The following ADAMTS6 variants were observed in gnomAD, a reference collection of about 807,000 sequenced individuals.
ADAMTS6 encodes ADAM metallopeptidase with thrombospondin type 1 motif 6.
ADAMTS6 carries 23 observed loss-of-function variants against 144.3 expected under a neutral mutation model. The ratio of observed to expected loss-of-function variants is 0.16; its 90% confidence interval spans 0.11 to 0.23. The LOEUF is 0.23. Among genes scored for constraint, ADAMTS6 ranks in the 10% least tolerant of loss-of-function variants. The probability of loss-of-function intolerance (pLI) is 1.00; values close to 1 mark genes in which losing one functional copy is unlikely to be tolerated. For missense variants in ADAMTS6, 999 were observed against 1,379.6 expected (o/e 0.72, Z 4.37); for synonymous variants, 444 against 457.5 (o/e 0.97, Z 0.38).
chr5:65,462,025 A>G (rs955772705), intron 3 of ADAMTS6, among the ~76,000 whole-genome samples: 4 of 152,214 alleles, frequency 2.6e-5, no homozygotes, highest in African/African-American at 9.6e-5. Context: ...AATGCAAACA[A>G]AAAAAGCAGC....
chr5:65,319,733 G>GAAGGA (rs1745389393), intron 9 of ADAMTS6, among the ~76,000 whole-genome samples: 1 of 54,000 alleles, frequency 1.9e-5, no homozygotes, highest in Non-Finnish European at 3.3e-5. Context: ...GGGAGGGAGG[G>GAAGGA]AGGGAGGGAA....
chr5:65,413,172 A>G (rs573136891), intron 7 of ADAMTS6, among the ~76,000 whole-genome samples: 2 of 152,314 alleles, frequency 1.3e-5, no homozygotes, highest in Admixed American at 6.5e-5. Context: ...ATCACAGACT[A>G]AAACAGGCTC....
In ADAMTS6 at chr5:65,399,383, C is replaced by T. The variant is rs1409454651; in HGVS notation, c.1073+52092G>A. 2.0e-5 allele frequency among the ~76,000 whole-genome samples: 3 copies of T among 152,156 alleles called. No homozygotes were observed. The East Asian group carries it at 5.8e-4, about 29-fold the overall frequency. ...TTGATATTCACAATATTTATTAATACAGTTGGATTAATATCTACCGAATTT... is the reference window on the plus strand; with the variant it reads ...TTGATATTCACAATATTTATTAATATAGTTGGATTAATATCTACCGAATTT... On this transcript the variant is annotated intron_variant, in intron 7 of 24. Coordinates refer to ENST00000381055, the MANE Select transcript of ADAMTS6 (RefSeq NM_197941.4).
intron 13 of ADAMTS6, among the ~76,000 whole-genome samples, chr5:65,261,113 G>A (rs1392450486): frequency 6.6e-6 from 1 of 152,028 alleles, no homozygotes; most frequent in East Asian, 1.9e-4. Flanking sequence ...GAAGCAAGGA[G>A]ACATGAAATA....
intron 12 of ADAMTS6, among the ~76,000 whole-genome samples, chr5:65,269,347 T>C (rs781155893): frequency 2.0e-5 from 3 of 152,190 alleles, no homozygotes; most frequent in Non-Finnish European, 2.9e-5. Flanking sequence ...CAATCATATA[T>C]GCTTAGCTCA....
At chr5:65,233,277 C>T (rs1431347422) in intron 15 of ADAMTS6, among the ~76,000 whole-genome samples, 1 of 151,986 alleles carries the variant, frequency 6.6e-6, no homozygotes, top group African/African-American at 2.4e-5. Flanking sequence ...AGATCAGGAA[C>T]AAGGTAACGA....
chr5:65,355,276 G>A (rs1351260470), intron 7 of ADAMTS6, among the ~76,000 whole-genome samples: 1 of 151,770 alleles, frequency 6.6e-6, no homozygotes, highest in Non-Finnish European at 1.5e-5. Context: ...CCAAGGTGGT[G>A]ACTTTTTTAG....
At position 65,334,028 on chromosome 5, in the gene ADAMTS6, C is replaced by CAAAAAAAAAAA. The variant is rs766592901; in HGVS notation, c.1117+13_1117+14insTTTTTTTTTTT. ...AAAAAAAAAAAAAAAAAAAAAAAACCAAAAAAAACTTACCCAGTGTTCCAC... is the reference window on the plus strand; with the variant it reads ...AAAAAAAAAAAAAAAAAAAAAAAACCAAAAAAAAAAAAAAAAAAACTTACCCAGTGTTCCAC... On this transcript the variant is annotated intron_variant, in intron 8 of 24. Transcript: ENST00000381055. 5.2e-6 allele frequency: 3 copies of CAAAAAAAAAAA among 581,718 alleles called. No individual in the cohort carries two copies. The African/African-American group carries it at 9.9e-5, about 19-fold the overall frequency. 36.0% of individuals were successfully genotyped at this position (581,718 alleles called of 1,614,324 possible).
At chr5:65,425,047 A>T (rs549571257) in intron 7 of ADAMTS6, among the ~76,000 whole-genome samples, 90 of 152,136 alleles carry the variant, frequency 5.9e-4, no homozygotes, top group African/African-American at 2.1e-3. Flanking sequence ...CCCAGGCTGG[A>T]GTGCAATGGT....
chr5:65,154,432 T>C (rs1302234697), intron 24 of ADAMTS6, among the ~76,000 whole-genome samples: 1 of 152,198 alleles, frequency 6.6e-6, no homozygotes, highest in Non-Finnish European at 1.5e-5. Context: ...TTAACTTGAT[T>C]GGAAGCAGGA....
intron 7 of ADAMTS6, among the ~76,000 whole-genome samples, chr5:65,338,796 C>G (rs779702216): frequency 6.6e-6 from 1 of 152,232 alleles, no homozygotes; most frequent in Non-Finnish European, 1.5e-5. Context: ...CTGGCAAACA[C>G]GCCCTAGGCT....
At chr5:65,472,504 C>G (rs1164352672) in intron 2 of ADAMTS6, among the ~76,000 whole-genome samples, 1 of 152,042 alleles carries the variant, frequency 6.6e-6, no homozygotes, top group Non-Finnish European at 1.5e-5. Flanking sequence ...GTAGTAATAT[C>G]TCAATAAAGC....
At chr5:65,210,736 G>A (rs1177230490) in intron 20 of ADAMTS6, 1 of 645,902 alleles carries the variant, frequency 1.5e-6, no homozygotes, top group Non-Finnish European at 2.9e-6. Context: ...GAATGTTTCA[G>A]ATTACATGTG....
chr5:65,441,938 A>C (rs1757892069), intron 7 of ADAMTS6, among the ~76,000 whole-genome samples: 1 of 152,008 alleles, frequency 6.6e-6, no homozygotes, highest in Non-Finnish European at 1.5e-5. Flanking sequence ...ATAAAGCTAT[A>C]TGTAGGGGGA....
intron 14 of ADAMTS6, among the ~76,000 whole-genome samples, chr5:65,255,261 T>A (rs1030608498): frequency 6.6e-6 from 1 of 152,036 alleles, no homozygotes; most frequent in Non-Finnish European, 1.5e-5. Context: ...TGAAGAAATT[T>A]TTTTTTAATT....
intron 22 of ADAMTS6, among the ~76,000 whole-genome samples, chr5:65,184,904 A>C (rs1754578310): frequency 6.6e-6 from 1 of 152,080 alleles, no homozygotes; most frequent in East Asian, 1.9e-4. Flanking sequence ...AGAGAAAAGG[A>C]AAGGGTCAAA....
intron 9 of ADAMTS6, among the ~76,000 whole-genome samples, chr5:65,324,715 T>G (rs1417422486): frequency 6.6e-6 from 1 of 151,962 alleles, no homozygotes; most frequent in African/African-American, 2.4e-5. Flanking sequence ...TTTTTTAAAG[T>G]GGGAAAAGGA....
intron 7 of ADAMTS6, among the ~76,000 whole-genome samples, chr5:65,366,467 C>G (rs1365372860): frequency 1.3e-5 from 2 of 152,060 alleles, no homozygotes; most frequent in East Asian, 3.9e-4. Context: ...ACACTTGAAC[C>G]AAGAAGTTAG....
At position 65,403,718 on chromosome 5, in the gene ADAMTS6, A is replaced by C. The variant is rs953318692; in HGVS notation, c.1073+47757T>G. 2.6e-5 allele frequency among the ~76,000 whole-genome samples: 4 copies of C among 152,126 alleles called. No individual in the cohort carries two copies. In the South Asian group the frequency reaches 8.3e-4, roughly 31 times the overall value. On this transcript the variant is annotated intron_variant, in intron 7 of 24. Transcript: ENST00000381055. ...ATGTAAAATAGCAAGACATCAAGTT[A>C]CCACGTAAAAAAGTTACATGTAAAA... is the stretch of plus-strand genomic sequence containing the variant.
Sources: gnomAD v4.1 joint callset for allele counts (sites outside exome capture counted in the v4.1 genomes callset) on GRCh38, gnomAD v4.1.1 for gene constraint, MANE v1.5 for transcripts, NCBI Gene and HGNC (gene_info 2026-07-23, HGNC 2026-07-21) for gene names.